FBXL7: variants seen among roughly 807,000 people sequenced by gnomAD.
The protein encoded by FBXL7 is F-box/LRR-repeat protein 7.
Under a neutral mutation model 38.3 loss-of-function variants are expected in FBXL7, and 12 were observed. That is an observed-to-expected ratio of 0.31 (90% CI 0.20 to 0.51). FBXL7 has a LOEUF of 0.51. FBXL7 is among the 20% of genes least tolerant of loss of function. FBXL7 has a pLI of 0.98. For synonymous variants in FBXL7, 297 were observed against 300.9 expected (o/e 0.99, Z 0.13); for missense variants, 567 against 676.4 (o/e 0.84, Z 1.79).
intron 1 of FBXL7, among the ~76,000 whole-genome samples, chr5:15,568,777 G>C (rs1051037869): frequency 1.1e-4 from 16 of 151,630 alleles, no homozygotes; most frequent in African/African-American, 3.4e-4. Flanking sequence ...TAAGGTGTAA[G>C]GAAGGGATCC....
intron 1 of FBXL7, among the ~76,000 whole-genome samples, chr5:15,526,932 C>T (rs1013810347): frequency 1.3e-5 from 2 of 152,142 alleles, no homozygotes; most frequent in African/African-American, 2.4e-5. Flanking sequence ...CTTACAATGT[C>T]GGGCTCTCCG....
intron 2 of FBXL7, among the ~76,000 whole-genome samples, chr5:15,744,149 A>T (rs1735957130): frequency 6.6e-6 from 1 of 152,232 alleles, no homozygotes; most frequent in African/African-American, 2.4e-5. Context: ...CTTGTTACTC[A>T]TGCAAATTTC....
At chr5:15,805,603 A>G (rs1441093089) in intron 2 of FBXL7, among the ~76,000 whole-genome samples, 1 of 152,184 alleles carries the variant, frequency 6.6e-6, no homozygotes, top group African/African-American at 2.4e-5. Context: ...AGTCTATAAA[A>G]ACTTCCTTCT....
chr5:15,886,210 G>GGTGT (rs140069204), intron 2 of FBXL7, among the ~76,000 whole-genome samples: 47 of 150,078 alleles, frequency 3.1e-4, no homozygotes, highest in East Asian at 1.8e-3. Flanking sequence ...ATAATTTTGA[G>GGTGT]GTGTGTGTGT....
At chr5:15,732,489 G>A (rs368988873) in intron 2 of FBXL7, among the ~76,000 whole-genome samples, 8 of 152,038 alleles carry the variant, frequency 5.3e-5, no homozygotes, top group African/African-American at 1.7e-4. Flanking sequence ...GTCATTTGCT[G>A]CATGGAGTTT....
intron 2 of FBXL7, among the ~76,000 whole-genome samples, chr5:15,663,983 C>T (rs999844720): frequency 6.6e-6 from 1 of 152,106 alleles, no homozygotes; most frequent in Non-Finnish European, 1.5e-5. Context: ...GTATTCTTAT[C>T]TACCAACTGG....
intron 2 of FBXL7, among the ~76,000 whole-genome samples, chr5:15,661,262 C>G (rs763790759): frequency 2.6e-5 from 4 of 151,986 alleles, no homozygotes; most frequent in Non-Finnish European, 5.9e-5. Flanking sequence ...GATCCTGTGT[C>G]CATGGTAAAG....
At chr5:15,753,087 T>C (rs1377530867) in intron 2 of FBXL7, among the ~76,000 whole-genome samples, 17 of 152,148 alleles carry the variant, frequency 1.1e-4, no homozygotes, top group Admixed American at 7.2e-4. Flanking sequence ...CTGAGGATTA[T>C]AACTCCTCTT....
intron 1 of FBXL7, among the ~76,000 whole-genome samples, chr5:15,558,408 A>G (rs1232440627): frequency 1.3e-5 from 2 of 152,214 alleles, no homozygotes; most frequent in Non-Finnish European, 1.5e-5. Context: ...ACCTTAGAGC[A>G]CAGGGCATGG....
intron 2 of FBXL7, among the ~76,000 whole-genome samples, chr5:15,894,605 A>G (rs1741036193): frequency 1.3e-5 from 2 of 152,212 alleles, no homozygotes; most frequent in South Asian, 4.1e-4. Context: ...TAGGGTTTAG[A>G]TGAGGTTTTA....
At chr5:15,751,716 C>T (rs754640437) in intron 2 of FBXL7, among the ~76,000 whole-genome samples, 57 of 152,126 alleles carry the variant, frequency 3.7e-4, no homozygotes, top group Non-Finnish European at 7.2e-4. Flanking sequence ...GGGAGGGGTG[C>T]AAGGGGCAAG....
intron 2 of FBXL7, among the ~76,000 whole-genome samples, chr5:15,924,424 G>A (rs1741825172): frequency 1.3e-5 from 2 of 152,140 alleles, no homozygotes; most frequent in African/African-American, 4.8e-5. Context: ...AGTTTTTAGT[G>A]TAATAGAAGG....
rs76062786 is a variant in FBXL7 at position 15,806,460 on chromosome 5, A to T, written c.128-121430A>T. On this transcript the variant is annotated intron_variant, in intron 2 of 3. Transcript: ENST00000504595. ...AGTATCAATAACCTCAAAATAAATT[A>T]TTGCTTTAAAATTGTTTGCAAAATT... is the stretch of plus-strand genomic sequence containing the variant. 6.0e-3 allele frequency among the ~76,000 whole-genome samples: 913 copies of T among 152,286 alleles called. 9 individuals are homozygous for T. The highest frequency in any genetic ancestry group is 0.02 in the African/African-American group (835 of 41,554).
chr5:15,934,196 G>C (rs902499414), intron 3 of FBXL7, among the ~76,000 whole-genome samples: 1 of 152,054 alleles, frequency 6.6e-6, no homozygotes, highest in Admixed American at 6.5e-5. Context: ...GTAGAGACGG[G>C]GTTTTGCCAT....
chr5:15,885,840 C>G (rs1740653345), intron 2 of FBXL7, among the ~76,000 whole-genome samples: 1 of 152,078 alleles, frequency 6.6e-6, no homozygotes, highest in Non-Finnish European at 1.5e-5. Flanking sequence ...TCCTGAGTAG[C>G]TGGGAATACA....
At chr5:15,641,197 A>G (rs896282155) in intron 2 of FBXL7, among the ~76,000 whole-genome samples, 1 of 152,324 alleles carries the variant, frequency 6.6e-6, no homozygotes, top group African/African-American at 2.4e-5. Context: ...TTAGACTTTT[A>G]GGGACTCCTG....
At chr5:15,824,059 C>T (rs1738241523) in intron 2 of FBXL7, among the ~76,000 whole-genome samples, 2 of 152,024 alleles carry the variant, frequency 1.3e-5, no homozygotes, top group African/African-American at 4.8e-5. Context: ...GGGCGGATCA[C>T]TTGAGGTCAG....
At chr5:15,724,749 C>T (rs376347995) in intron 2 of FBXL7, among the ~76,000 whole-genome samples, 11 of 152,092 alleles carry the variant, frequency 7.2e-5, no homozygotes, top group South Asian at 4.2e-4. Flanking sequence ...TGCTATTTAC[C>T]GTAACTTTAG....
At chr5:15,817,210 T>C (rs1029995081) in intron 2 of FBXL7, among the ~76,000 whole-genome samples, 1 of 152,114 alleles carries the variant, frequency 6.6e-6, no homozygotes, top group Non-Finnish European at 1.5e-5. Context: ...TGATGACAGA[T>C]GGACAGGTCC....
Sources: gnomAD v4.1 joint callset for allele counts (sites outside exome capture counted in the v4.1 genomes callset) on GRCh38, gnomAD v4.1.1 for gene constraint, MANE v1.5 for transcripts, NCBI Gene and HGNC (gene_info 2026-07-23, HGNC 2026-07-21) for gene names.